The following PRX variants were observed in gnomAD, a reference collection of about 807,000 sequenced individuals.
PRX encodes the protein periaxin.
A neutral mutation model predicts 29.6 loss-of-function variants in PRX; 24 were observed. The observed-to-expected ratio is 0.81, with a 90% CI of 0.59 to 1.14. The LOEUF (loss-of-function observed/expected upper bound fraction) is 1.14, where lower values mean the gene tolerates loss of function less well. Among genes scored for constraint, PRX ranks in the 50% most tolerant of loss-of-function variants. The pLI is 0.00. For missense variants in PRX, 1,838 were observed against 1,926.4 expected (o/e 0.95, Z 0.86); for synonymous variants, 772 against 831.7 (o/e 0.93, Z 1.24).
In PRX at chr19:40,396,889, T is replaced by G; in HGVS notation, c.1463A>C (p.Glu488Ala). The G allele has an allele frequency of 6.2e-7, 1 of 1,614,192 alleles. No individual in the cohort carries two copies. Among genetic ancestry groups the G allele is most frequent in the Non-Finnish European group, 8.5e-7 (1 of 1,180,022 alleles). Reference protein sequence around the residue: ...LPKVPEMAVPEVRLPEVELPK... With the variant: ...LPKVPEMAVPAVRLPEVELPK... Reference sequence around the variant, plus strand: ...CAGCTCTACCTCTGGAAGCCGCACCTCCGGCACAGCCATCTCTGGCACCTT... The same window carrying G: ...CAGCTCTACCTCTGGAAGCCGCACCGCCGGCACAGCCATCTCTGGCACCTT... Residue 488 changes from glutamate (E) to alanine (A), a missense_variant, in exon 7 of 7, where the codon GAG becomes GCG. Transcript: ENST00000324001.
intron 4 of PRX, among the ~76,000 whole-genome samples, chr19:40,406,505 G>A (rs1044663099): frequency 6.6e-6 from 1 of 152,118 alleles, no homozygotes; most frequent in African/African-American, 2.4e-5. Context: ...CTCAACCTTA[G>A]GTCTGTGACC....
chr19:40,403,698 C>T lies in PRX; in HGVS notation c.184+8G>A. ...TTCGACCCCGCCCCACACCCCGGGC[C>T]CGCCCACCTTCCTGCAGGCTGAGGC... On this transcript the variant is annotated splice_region_variant and intron_variant, in intron 5 of 6. Coordinates refer to ENST00000324001, the MANE Select transcript of PRX (RefSeq NM_181882.3). 6.5e-7 allele frequency: 1 copy of T among 1,545,520 alleles called. No homozygotes were observed. The highest frequency in any genetic ancestry group is 8.7e-7 in the Non-Finnish European group (1 of 1,144,942).
At chr19:40,407,503 G>A in intron 4 of PRX, 2 of 278,816 alleles carry the variant, frequency 7.2e-6, no homozygotes, top group East Asian at 8.8e-5. Flanking sequence ...GTCTTCCTAT[G>A]TTGCCCAGGC....
intron 4 of PRX, among the ~76,000 whole-genome samples, chr19:40,405,186 G>T (rs2079523166): frequency 6.6e-6 from 1 of 152,158 alleles, no homozygotes; most frequent in South Asian, 2.1e-4. Context: ...TACTGTAAAT[G>T]ATGCAGATTG....
rs985118013 is a variant in PRX, at chr19:40,399,892, T to TTTC, written c.185-1079_185-1077dup. On this transcript the variant is annotated intron_variant, in intron 5 of 6. Transcript: ENST00000324001. ...CTTTCTTTCTTTCTTTCTTTCTTTCTTTCTTTCTTTCTTTTTCTTTCTTTC... is the reference window on the plus strand; with the variant it reads ...CTTTCTTTCTTTCTTTCTTTCTTTCTTTCTTCTTTCTTTCTTTTTCTTTCTTTC... Among the ~76,000 whole-genome samples, 13 of 61,238 alleles carry TTTC rather than the reference T, an allele frequency of 2.1e-4. No homozygotes were observed. In the East Asian group the frequency reaches 2.6e-3, roughly 12 times the overall value. The allele number at this position is 61,238 out of a possible 152,430, so 40.2% of individuals were successfully genotyped here. A position where few individuals can be genotyped will look rare whatever the true frequency, so the allele number is the denominator to read the frequency against.
chr19:40,394,734 C>T lies in PRX; in HGVS notation c.3618G>A (p.Val1206=). Residue 1206 remains valine, a synonymous_variant, in exon 7 of 7, where the codon GTG becomes GTA. Coordinates refer to ENST00000324001, the MANE Select transcript of PRX (RefSeq NM_181882.3). The surrounding 1 kb of genome is among the most constrained non-coding windows in gnomAD (Gnocchi z 5.8). ...GAQVAGGELL[V]GEGVFKMPTV... is the part of the protein sequence containing the mutation. ...TGGGCATCTTAAAGACACCCTCACC[C>T]ACCAGCAGCTCACCACCTGCAACCT... 3 of 1,613,340 alleles carry T rather than the reference C, an allele frequency of 1.9e-6. No individual in the cohort carries two copies. The East Asian group carries it at 6.7e-5, about 36-fold the overall frequency.
In PRX at chr19:40,398,675, G is replaced by A; in HGVS notation, c.326C>T (p.Pro109Leu). ...GATCTCGTAGCCAGACACGGTCCCGGGCCGCAGAGCCAGGTCCCCGGTGGG... is the reference window on the plus strand; with the variant it reads ...GATCTCGTAGCCAGACACGGTCCCGAGCCGCAGAGCCAGGTCCCCGGTGGG... Reference protein sequence around the residue: ...TVPTGDLALRPGTVSGYEIKG... With the variant: ...TVPTGDLALRLGTVSGYEIKG... The change falls in exon 6 of 7, where the codon CCC becomes CTC. Residue 109 changes from proline (P) to leucine (L), a missense_variant. Physicochemically the swap from Pro to Leu is moderately conservative, Grantham distance 98. Coordinates refer to ENST00000324001, the MANE Select transcript of PRX (RefSeq NM_181882.3). This position sits in a 1 kb window ranked among gnomAD's most constrained non-coding sequence, Gnocchi z 6.3. 1 of 1,614,004 alleles carries A rather than the reference G, an allele frequency of 6.2e-7. No individual in the cohort carries two copies. Among genetic ancestry groups the A allele is most frequent in the Non-Finnish European group, 8.5e-7 (1 of 1,179,952 alleles).
At chr19:40,403,989 G>T (rs2079515086) in intron 4 of PRX, 127 bp from the exon 5 acceptor site, 1 of 1,134,830 alleles carries the variant, frequency 8.8e-7, no homozygotes. Flanking sequence ...GGGGGTGGGG[G>T]ACGGTCTCGC....
rs752863291 is a variant in PRX, at chr19:40,394,655, C to A, written c.3697G>T (p.Ala1233Ser). The A allele has an allele frequency of 6.2e-7, 1 of 1,608,382 alleles. No homozygotes were observed. The highest frequency in any genetic ancestry group is 1.3e-5 in the African/African-American group (1 of 75,016). ...CCCTCGCCTGTGGCCGCCTCGCCCG[C>A]CTGTGCCTCTCGGCTTAGCCCCACG... is the stretch of plus-strand genomic sequence containing the variant. The part of the protein sequence containing the change: ...LDVGLSREAQ[A>S]GEAATGEGGL... Residue 1233 changes from alanine to serine, a missense_variant, in exon 7 of 7, where the codon GCG becomes TCG. By Grantham distance (99) the Ala-to-Ser change is moderately conservative. Coordinates refer to ENST00000324001, the MANE Select transcript of PRX (RefSeq NM_181882.3). The surrounding 1 kb of genome is among the most constrained non-coding windows in gnomAD (Gnocchi z 5.8).
At position 40,407,285 on chromosome 19, in the gene PRX, T is replaced by C. The variant is rs554567687; in HGVS notation, c.27+621A>G. 2.0e-5 allele frequency among the ~76,000 whole-genome samples: 3 copies of C among 151,364 alleles called. No homozygotes were observed. In the South Asian group the frequency reaches 6.3e-4, roughly 32 times the overall value. ...AGGGTCTTTTTTTTTTTTTCTTTGT[T>C]TTTCTCATTTATTCTTTCCACACAG... On this transcript the variant is annotated intron_variant, in intron 4 of 6. Coordinates refer to ENST00000324001, the MANE Select transcript of PRX (RefSeq NM_181882.3).
Position 40,398,067 on chromosome 19 carries a change from T to C in PRX, c.382-97A>G. 6.8e-7 allele frequency: 1 copy of C among 1,478,530 alleles called. No individual in the cohort carries two copies. The highest frequency in any genetic ancestry group is 9.0e-7 in the Non-Finnish European group (1 of 1,113,734). The allele number at this position is 1,478,530 out of a possible 1,614,324, so 91.6% of individuals were successfully genotyped here. A position where few individuals can be genotyped will look rare whatever the true frequency, so the allele number is the denominator to read the frequency against. ...CTGGTATTGGACCAGGCGGGGGATG[T>C]GCTGGGTCAAGTATCTTGTTCCCCA... is the stretch of plus-strand genomic sequence containing the variant. On this transcript the variant is annotated intron_variant, in intron 6 of 6. Transcript: ENST00000324001. This position sits in a 1 kb window ranked among gnomAD's most constrained non-coding sequence, Gnocchi z 6.3.
rs757931043 is a variant in PRX at position 40,396,555 on chromosome 19, T to A, written c.1797A>T (p.Lys599Asn). 5 of 1,611,476 alleles carry A rather than the reference T, an allele frequency of 3.1e-6. No homozygotes were observed. The highest frequency in any genetic ancestry group is 3.3e-5 in the Admixed American group (2 of 59,750). Residue 599 changes from lysine to asparagine, a missense_variant, in exon 7 of 7, where the codon AAA becomes AAT. Physicochemically the swap from Lys to Asn is moderately conservative, Grantham distance 94. Transcript: ENST00000324001. ...CCTTCGGGAGTTGCACTTCAGGGAG[T>A]TTCATCTCAGGAAGTTTCATCTCAG... is the stretch of plus-strand genomic sequence containing the variant. ...KVPEMKLPEMKLPEVQLPKVP... is the reference protein window; with the variant it reads ...KVPEMKLPEMNLPEVQLPKVP...
rs766994039 is a variant in PRX at position 40,398,767 on chromosome 19, C to A, written c.234G>T (p.Glu78Asp). ...ARVFFENFKY[E>D]DALRLLQCAE... ...CGCATTGCAGCAGGCGTAGTGCGTCCTCGTACTTGAAGTTCTCGAAGAACA... is the reference window on the plus strand; with the variant it reads ...CGCATTGCAGCAGGCGTAGTGCGTCATCGTACTTGAAGTTCTCGAAGAACA... Residue 78 changes from glutamate (E) to aspartate (D), a missense_variant, in exon 6 of 7, where the codon GAG (glutamate) becomes GAT (aspartate). Transcript: ENST00000324001. This position sits in a 1 kb window ranked among gnomAD's most constrained non-coding sequence, Gnocchi z 6.3. 3 of 1,614,106 alleles carry A rather than the reference C, an allele frequency of 1.9e-6. No individual in the cohort carries two copies. Among genetic ancestry groups the A allele is most frequent in the Non-Finnish European group, 2.5e-6 (3 of 1,179,986 alleles).
intron 5 of PRX, among the ~76,000 whole-genome samples, chr19:40,400,351 G>A (rs1210000384): frequency 6.8e-6 from 1 of 147,404 alleles, no homozygotes; most frequent in African/African-American, 2.5e-5. Context: ...CCAGCACTTT[G>A]GGAGGCCGAG....
chr19:40,399,855 C>CTTTCT (rs1555801720), intron 5 of PRX, among the ~76,000 whole-genome samples: 2 of 85,708 alleles, frequency 2.3e-5, no homozygotes, highest in South Asian at 5.9e-4. Context: ...TCTTTCCTTT[C>CTTTCT]TTTCTTTCTT....
chr19:40,395,669 C>T lies in PRX; in HGVS notation c.2683G>A (p.Gly895Ser). Residue 895 changes from glycine (G) to serine (S), a missense_variant, in exon 7 of 7, where the codon GGC becomes AGC. By Grantham distance (56) the Gly-to-Ser change is moderately conservative. Coordinates refer to ENST00000324001, the MANE Select transcript of PRX (RefSeq NM_181882.3). ...PEVAAGVREV[G>S]FRVPSVEIVT... ...ATTTCAACAGAGGGCACTCGGAAGC[C>T]CACTTCCCTGACCCCTGCTGCCACC... 2.5e-6 allele frequency: 4 copies of T among 1,614,170 alleles called. No individual in the cohort carries two copies. Among genetic ancestry groups the T allele is most frequent in the Non-Finnish European group, 3.4e-6 (4 of 1,180,028 alleles).
chr19:40,399,850 C>CCATTCTTT (rs1555801714), intron 5 of PRX, among the ~76,000 whole-genome samples: 1 of 119,624 alleles, frequency 8.4e-6, no homozygotes, highest in Non-Finnish European at 1.8e-5. Flanking sequence ...AGCTTTCTTT[C>CCATTCTTT]CTTTCTTTCT....
At position 40,394,534 on chromosome 19, in the gene PRX, C is replaced by A; in HGVS notation, c.3818G>T (p.Cys1273Phe). Reference sequence around the variant, plus strand: ...GAGCTCCACGTCGGGCAGTGAGAGGCAGAAGGTACGCTCGGCCCCTGGGGG... The same window carrying A: ...GAGCTCCACGTCGGGCAGTGAGAGGAAGAAGGTACGCTCGGCCCCTGGGGG... ...EQPPGAERTF[C>F]LSLPDVELSP... The change falls in exon 7 of 7, where the codon TGC (cysteine) becomes TTC (phenylalanine). Residue 1273 changes from cysteine to phenylalanine, a missense_variant. Physicochemically the swap from Cys to Phe is radical, Grantham distance 205. Coordinates refer to ENST00000324001, the MANE Select transcript of PRX (RefSeq NM_181882.3). The surrounding 1 kb of genome is among the most constrained non-coding windows in gnomAD (Gnocchi z 5.8). 1 of 1,603,188 alleles carries A rather than the reference C, an allele frequency of 6.2e-7. No homozygotes were observed.
At position 40,408,043 on chromosome 19, in the gene PRX, C is replaced by T; in HGVS notation, c.-99-12G>A. On this transcript the variant is annotated splice_polypyrimidine_tract_variant and intron_variant, in intron 3 of 6. Coordinates refer to ENST00000324001, the MANE Select transcript of PRX (RefSeq NM_181882.3). ...AGCTGCCTCTGAGCCTGTGGGAGGA[C>T]AGCAGTGGAGGCTTGAGGCCAGTAG... 2.7e-6 allele frequency: 4 copies of T among 1,468,414 alleles called. No homozygotes were observed. The highest frequency in any genetic ancestry group is 3.8e-6 in the Non-Finnish European group (4 of 1,066,346). 91.0% of individuals were successfully genotyped at this position (1,468,414 alleles called of 1,614,324 possible). A position where few individuals can be genotyped will look rare whatever the true frequency, so the allele number is the denominator to read the frequency against.
Sources: allele counts gnomAD v4.1 joint callset (sites outside exome capture counted in the v4.1 genomes callset), GRCh38; gene constraint gnomAD v4.1.1; non-coding constraint Gnocchi (gnomAD v3.1); transcripts MANE v1.5; gene names NCBI Gene and HGNC (gene_info 2026-07-23, HGNC 2026-07-21).